CCDC171: variants seen among roughly 807,000 people sequenced by gnomAD.
The protein encoded by CCDC171 is coiled-coil domain containing 171.
CCDC171 carries 177 observed loss-of-function variants against 168.2 expected under a neutral mutation model. The observed-to-expected ratio is 1.05, with a 90% CI of 0.93 to 1.19. The LOEUF (loss-of-function observed/expected upper bound fraction) is 1.19. CCDC171 is among the 50% of genes most tolerant of loss of function. CCDC171 has a pLI of 0.00. For synonymous variants in CCDC171, 687 were observed against 540.8 expected (o/e 1.27, Z -3.75); for missense variants, 1,991 against 1,539.0 (o/e 1.29, Z -4.91).
intron 6 of CCDC171, among the ~76,000 whole-genome samples, chr9:15,596,547 G>T (rs1403683177): frequency 1.3e-5 from 2 of 151,314 alleles, no homozygotes; most frequent in Non-Finnish European, 2.9e-5. Context: ...GGTTACTGTA[G>T]CCTTGTAGTA....
chr9:15,560,439 T>A (rs1478506531), intron 1 of CCDC171, among the ~76,000 whole-genome samples: 1 of 152,146 alleles, frequency 6.6e-6, no homozygotes, highest in Non-Finnish European at 1.5e-5. Flanking sequence ...TTTACTCTTT[T>A]TTCTCTAAAT....
chr9:16,005,159 C>G (rs1832659311), intron 3 of CCDC171, among the ~76,000 whole-genome samples: 1 of 152,174 alleles, frequency 6.6e-6, no homozygotes, highest in Admixed American at 6.5e-5. Flanking sequence ...TATTAGTAGT[C>G]ACTCCCACTC....
At position 15,652,069 on chromosome 9, in the gene CCDC171, C is replaced by T. The variant is rs536051800; in HGVS notation, c.823-5058C>T. ...GACCATAAGTGTGCCTCACCACACC[C>T]GGCTAATTTAATTTTTTTGTAGAGA... On this transcript the variant is annotated intron_variant, in intron 7 of 25. Coordinates refer to ENST00000380701, the MANE Select transcript of CCDC171 (RefSeq NM_173550.4). Among the ~76,000 whole-genome samples the T allele has an allele frequency of 4.6e-5, 7 of 152,046 alleles. 1 individual carries two copies. The highest frequency in any genetic ancestry group is 4.2e-4 in the South Asian group (2 of 4,808).
intron 6 of CCDC171, among the ~76,000 whole-genome samples, chr9:16,031,246 T>A (rs1485496351): frequency 6.6e-6 from 1 of 152,232 alleles, no homozygotes; most frequent in East Asian, 1.9e-4. Context: ...ATGTTCCACA[T>A]GTGTGGGCAT....
intron 7 of CCDC171, among the ~76,000 whole-genome samples, chr9:15,624,173 G>A (rs912692366): frequency 2.6e-5 from 4 of 152,026 alleles, no homozygotes; most frequent in African/African-American, 9.7e-5. Flanking sequence ...ACTTTTGGGA[G>A]GAAGGAAGTG....
In CCDC171 at chr9:15,675,138, C is replaced by T. The variant is rs1015235742; in HGVS notation, c.1077-3620C>T. On this transcript the variant is annotated intron_variant, in intron 9 of 25. Transcript: ENST00000380701. The stretch of plus-strand genomic sequence containing the variant: ...AACGGCCTTCTTTGTCTCTTTTGAT[C>T]TTTGTCAGTTTAAAGTCTGTTTTAT... 2.1e-5 allele frequency among the ~76,000 whole-genome samples: 3 copies of T among 140,084 alleles called. No individual in the cohort carries two copies. The Admixed American group carries it at 2.2e-4, about 10-fold the overall frequency. The allele number at this position is 140,084 out of a possible 152,430, so 91.9% of individuals were successfully genotyped here. A position where few individuals can be genotyped will look rare whatever the true frequency, so the allele number is the denominator to read the frequency against.
chr9:15,649,331 G>A (rs2047310742), intron 7 of CCDC171, among the ~76,000 whole-genome samples: 2 of 152,182 alleles, frequency 1.3e-5, no homozygotes, highest in South Asian at 4.1e-4. Context: ...TCAGGACATA[G>A]GCATGGGCAA....
At chr9:15,606,190 A>T (rs2043215152) in intron 6 of CCDC171, among the ~76,000 whole-genome samples, 1 of 152,220 alleles carries the variant, frequency 6.6e-6, no homozygotes. Context: ...AGGTTGACTC[A>T]GGGTAACTGA....
At position 15,745,511 on chromosome 9, in the gene CCDC171, A is replaced by G. The variant is rs1233977647; in HGVS notation, c.2555-4A>G. ...TTTTACAATGGATTTTTTCAATTTT[A>G]TAGAACATCAAAAGGAGCAGTTGCG... On this transcript the variant is annotated splice_polypyrimidine_tract_variant and splice_region_variant and intron_variant, in intron 17 of 25. Coordinates refer to ENST00000380701, the MANE Select transcript of CCDC171 (RefSeq NM_173550.4). 4 of 1,529,268 alleles carry G rather than the reference A, an allele frequency of 2.6e-6. No homozygotes were observed. Among genetic ancestry groups the G allele is most frequent in the East Asian group, 2.4e-5 (1 of 41,846 alleles). The allele number at this position is 1,529,268 out of a possible 1,614,324, so 94.7% of individuals were successfully genotyped here.
chr9:16,079,000 A>G, the CCDC171 span, among the ~76,000 whole-genome samples: 1 of 152,348 alleles, frequency 6.6e-6, no homozygotes, highest in South Asian at 2.1e-4. Context: ...CTGCAGGAAA[A>G]TAGACCAAGG....
chr9:15,590,173 A>C (rs1292078624), intron 4 of CCDC171, among the ~76,000 whole-genome samples: 1 of 152,208 alleles, frequency 6.6e-6, no homozygotes, highest in East Asian at 1.9e-4. Context: ...GAGACCATGG[A>C]AGAATGTCTT....
chr9:15,792,334 G>C (rs2058311981), intron 21 of CCDC171, among the ~76,000 whole-genome samples: 1 of 152,200 alleles, frequency 6.6e-6, no homozygotes, highest in Non-Finnish European at 1.5e-5. Flanking sequence ...GAAAAGACCA[G>C]ATCTACGTCT....
At chr9:15,907,032 C>A (rs1359178344) in intron 24 of CCDC171, among the ~76,000 whole-genome samples, 1 of 152,124 alleles carries the variant, frequency 6.6e-6, no homozygotes, top group East Asian at 1.9e-4. Context: ...GAAGAACATT[C>A]CATGCTCATG....
At chr9:15,929,089 A>G (rs1389361021) in intron 25 of CCDC171, among the ~76,000 whole-genome samples, 1 of 151,370 alleles carries the variant, frequency 6.6e-6, no homozygotes, top group East Asian at 1.9e-4. Context: ...TATTTTGCAT[A>G]TCAGTATAAA....
intron 10 of CCDC171, among the ~76,000 whole-genome samples, chr9:15,685,853 C>T (rs1039256401): frequency 2.0e-5 from 3 of 152,150 alleles, no homozygotes; most frequent in African/African-American, 7.2e-5. Flanking sequence ...ATTAGCCAGA[C>T]ATCTCTGTAG....
intron 25 of CCDC171, among the ~76,000 whole-genome samples, chr9:15,946,555 T>A (rs939094644): frequency 6.6e-6 from 1 of 152,004 alleles, no homozygotes; most frequent in South Asian, 2.1e-4. Context: ...TCCATGCTCA[T>A]GGGTAGGAAG....
chr9:16,011,973 T>C (rs1271657737), intron 3 of CCDC171, among the ~76,000 whole-genome samples: 1 of 152,228 alleles, frequency 6.6e-6, no homozygotes, highest in African/African-American at 2.4e-5. Context: ...TGGGCCAGTG[T>C]CCCTTTAGTG....
chr9:15,563,855 C>T (rs2039510317), intron 1 of CCDC171, 123 bp from the exon 2 acceptor site: 1 of 450,890 alleles, frequency 2.2e-6, no homozygotes, highest in African/African-American at 2.1e-5. Context: ...GTCTAGATAT[C>T]TCTATACACC....
intron 25 of CCDC171, among the ~76,000 whole-genome samples, chr9:15,937,554 A>C (rs1182417631): frequency 6.6e-6 from 1 of 151,950 alleles, no homozygotes; most frequent in East Asian, 1.9e-4. Context: ...CCCCTTATAT[A>C]CTATGAATAC....
Sources: gnomAD v4.1 joint callset for allele counts (sites outside exome capture counted in the v4.1 genomes callset) on GRCh38, gnomAD v4.1.1 for gene constraint, MANE v1.5 for transcripts, NCBI Gene and HGNC (gene_info 2026-07-23, HGNC 2026-07-21) for gene names.